The following DNM3 variants were observed in gnomAD, a reference collection of about 807,000 sequenced individuals.
DNM3 encodes the protein dynamin 3.
A neutral mutation model predicts 101.6 loss-of-function variants in DNM3; 47 were observed. That is an observed-to-expected ratio of 0.46 (90% CI 0.37 to 0.59). DNM3 has a LOEUF of 0.59. Among genes scored for constraint, DNM3 ranks in the 20% least tolerant of loss-of-function variants. DNM3 has a pLI of 0.00. For missense variants in DNM3, 849 were observed against 1,085.7 expected, an observed-to-expected ratio of 0.78 and a Z score of 3.06; for synonymous variants, 385 against 387.9, an observed-to-expected ratio of 0.99 and a Z score of 0.09.
At chr1:172,109,380 T>C (rs1380104372) in intron 13 of DNM3, among the ~76,000 whole-genome samples, 1 of 152,210 alleles carries the variant, frequency 6.6e-6, no homozygotes, top group African/African-American at 2.4e-5. Flanking sequence ...GTTTGGTACA[T>C]CCACTTGCAG....
chr1:172,052,912 T>C (rs924853505), intron 10 of DNM3, among the ~76,000 whole-genome samples: 2 of 152,198 alleles, frequency 1.3e-5, no homozygotes, highest in African/African-American at 4.8e-5. Context: ...TACAGACTAC[T>C]GCAACTATTC....
intron 13 of DNM3, among the ~76,000 whole-genome samples, chr1:172,123,771 C>T (rs1260619752): frequency 6.6e-6 from 1 of 152,174 alleles, no homozygotes; most frequent in Non-Finnish European, 1.5e-5. Flanking sequence ...TTCCTCAACC[C>T]TCAGCGGTAT....
At chr1:172,119,901 T>C (rs1296912269) in intron 13 of DNM3, among the ~76,000 whole-genome samples, 1 of 152,184 alleles carries the variant, frequency 6.6e-6, no homozygotes, top group Non-Finnish European at 1.5e-5. Flanking sequence ...TACTAACTTC[T>C]CTTCCTAAAT....
chr1:172,360,677 CAT>C (rs1350830087), intron 17 of DNM3, among the ~76,000 whole-genome samples: 3 of 151,992 alleles, frequency 2.0e-5, no homozygotes, highest in Non-Finnish European at 4.4e-5. Flanking sequence ...GCATTCCAGC[CAT>C]GTTTGCCTTT....
At chr1:172,376,196 T>C (rs12124608) in intron 17 of DNM3, 1 of 152,004 alleles carries the variant, frequency 6.6e-6, no homozygotes. Flanking sequence ...AAAACTGCAA[T>C]AGGAAGGACT....
chr1:171,963,557 T>C (rs2043355675), intron 2 of DNM3, among the ~76,000 whole-genome samples: 1 of 152,116 alleles, frequency 6.6e-6, no homozygotes, highest in African/African-American at 2.4e-5. Context: ...TCATCTATTG[T>C]AACAAATGTC....
intron 1 of DNM3, among the ~76,000 whole-genome samples, chr1:171,843,269 C>T (rs753037070): frequency 1.3e-5 from 2 of 152,066 alleles, no homozygotes; most frequent in African/African-American, 2.4e-5. Context: ...AATCACTACA[C>T]CTCATTTTTA....
chr1:172,340,920 A>T (rs140405806), intron 17 of DNM3, among the ~76,000 whole-genome samples: 1 of 152,272 alleles, frequency 6.6e-6, no homozygotes, highest in African/African-American at 2.4e-5. Context: ...TCCATTCAGT[A>T]TGTTGTTGAC....
chr1:172,415,524 GTTTTT>G (rs386368747), downstream of DNM3: 2 of 99,144 alleles, frequency 2.0e-5, no homozygotes, highest in African/African-American at 4.1e-5. Context: ...TTTTTTGTGA[GTTTTT>G]TTTTTTTTTT....
intron 10 of DNM3, among the ~76,000 whole-genome samples, chr1:172,058,781 A>C (rs970425504): frequency 2.6e-5 from 4 of 151,742 alleles, no homozygotes; most frequent in Admixed American, 2.0e-4. Context: ...TCACAATTAA[A>C]AGAACTAGAA....
rs74965214 is a variant in DNM3 at position 172,147,994 on chromosome 1, C to T, written c.1659+16706C>T. On this transcript the variant is annotated intron_variant, in intron 14 of 20. Coordinates refer to ENST00000627582, the MANE Select transcript of DNM3 (RefSeq NM_015569.5). The stretch of plus-strand genomic sequence containing the variant: ...TATAGTGTAGCTATTATTATCATCC[C>T]CATTTTATTGATGATAAAATTAAAG... 3.0e-3 allele frequency among the ~76,000 whole-genome samples: 458 copies of T among 152,060 alleles called. 2 individuals carry two copies. The highest frequency in any genetic ancestry group is 9.9e-3 in the African/African-American group (411 of 41,492).
intron 3 of DNM3, among the ~76,000 whole-genome samples, chr1:171,988,569 C>A (rs1314826385): frequency 6.6e-6 from 1 of 152,036 alleles, no homozygotes; most frequent in East Asian, 1.9e-4. Flanking sequence ...AAGGAAAGGG[C>A]AGTCTTACCC....
At chr1:172,301,824 T>C (rs572838403) in intron 15 of DNM3, among the ~76,000 whole-genome samples, 1 of 152,122 alleles carries the variant, frequency 6.6e-6, no homozygotes, top group East Asian at 1.9e-4. Flanking sequence ...TAGAGAGGAA[T>C]AGAGGGTGGG....
intron 14 of DNM3, among the ~76,000 whole-genome samples, chr1:172,141,594 C>G (rs2057584178): frequency 6.6e-6 from 1 of 152,036 alleles, no homozygotes; most frequent in Admixed American, 6.6e-5. Flanking sequence ...CAGCTTAAGA[C>G]TTCAACCAAA....
At chr1:171,846,512 A>C (rs2032123846) in intron 1 of DNM3, among the ~76,000 whole-genome samples, 1 of 152,206 alleles carries the variant, frequency 6.6e-6, no homozygotes, top group Non-Finnish European at 1.5e-5. Flanking sequence ...ATACATTTAG[A>C]GTGTTAGGTA....
intron 18 of DNM3, among the ~76,000 whole-genome samples, chr1:172,380,161 T>C (rs1242341628): frequency 1.3e-5 from 2 of 152,074 alleles, no homozygotes; most frequent in African/African-American, 4.8e-5. Context: ...GGTGAGTCTC[T>C]TTCATGTGTC....
At chr1:172,000,563 C>G (rs963198046) in intron 4 of DNM3, among the ~76,000 whole-genome samples, 5 of 152,104 alleles carry the variant, frequency 3.3e-5, no homozygotes, top group African/African-American at 1.2e-4. Context: ...TGATTCCTTT[C>G]CATCCACTGC....
At position 172,387,166 on chromosome 1, in the gene DNM3, C is replaced by T. The variant is rs769593168; in HGVS notation, c.2092C>T (p.Gln698Ter). 1.9e-6 allele frequency: 3 copies of T among 1,613,930 alleles called. No individual in the cohort carries two copies. Among genetic ancestry groups the T allele is most frequent in the Non-Finnish European group, 2.5e-6 (3 of 1,179,866 alleles). ...KDFINSELLA[Q>*]LYSSEDQNTL... ...TTTCATAAATTCCGAGCTCCTAGCACAGTTGTATTCTTCAGAGGACCAAAA... is the reference window on the plus strand; with the variant it reads ...TTTCATAAATTCCGAGCTCCTAGCATAGTTGTATTCTTCAGAGGACCAAAA... The change falls in exon 19 of 21, where the codon CAG (glutamine) becomes TAG (stop). Residue 698 changes from glutamine (Q) to a stop codon, truncating the protein, a stop_gained. Transcript: ENST00000627582. LOFTEE classifies it high-confidence loss of function.
At chr1:171,876,783 G>T (rs2035827432) in intron 1 of DNM3, among the ~76,000 whole-genome samples, 1 of 152,122 alleles carries the variant, frequency 6.6e-6, no homozygotes. Context: ...GTTGTTATTC[G>T]AATTTTTTAG....
Sources: allele counts gnomAD v4.1 joint callset (sites outside exome capture counted in the v4.1 genomes callset), GRCh38; gene constraint gnomAD v4.1.1; transcripts MANE v1.5; gene names NCBI Gene and HGNC (gene_info 2026-07-23, HGNC 2026-07-21).